RBFOX1: variants seen among roughly 807,000 people sequenced by gnomAD.
RBFOX1 encodes RNA binding fox-1 homolog 1.
RBFOX1 carries 8 observed loss-of-function variants against 57.7 expected under a neutral mutation model. The observed-to-expected ratio is 0.14, with a 90% CI of 0.08 to 0.25. RBFOX1 has a LOEUF of 0.25. RBFOX1 is among the 10% of genes least tolerant of loss of function. RBFOX1 has a pLI of 1.00. For missense variants in RBFOX1, 611 were observed against 548.5 expected, an observed-to-expected ratio of 1.11 and a Z score of -1.14; for synonymous variants, 326 against 222.4, an observed-to-expected ratio of 1.47 and a Z score of -4.15.
At chr16:5,825,774 T>TTAATATGAATAAGGAATAATATTCCG (rs2056019445) in intron 3 of RBFOX1, among the ~76,000 whole-genome samples, 2 of 146,838 alleles carry the variant, frequency 1.4e-5, no homozygotes, top group African/African-American at 2.5e-5. Context: ...ATAATATTCC[T>TTAATATGAATAAGGAATAATATTCCG]TAATATGAAT....
At chr16:6,383,154 C>T (rs561790202) in intron 2 of RBFOX1, among the ~76,000 whole-genome samples, 1 of 152,360 alleles carries the variant, frequency 6.6e-6, no homozygotes, top group East Asian at 1.9e-4. Flanking sequence ...GCTCCCACAA[C>T]ATTTTGGTAA....
intron 4 of RBFOX1, among the ~76,000 whole-genome samples, chr16:7,368,706 G>T (rs895225050): frequency 6.6e-6 from 1 of 151,506 alleles, no homozygotes; most frequent in African/African-American, 2.4e-5. Flanking sequence ...CGTGAACCTG[G>T]GAGACAGAGC....
chr16:5,927,690 T>A (rs915685955), intron 4 of RBFOX1, among the ~76,000 whole-genome samples: 1 of 152,228 alleles, frequency 6.6e-6, no homozygotes, highest in Non-Finnish European at 1.5e-5. Flanking sequence ...AAATGTGGAA[T>A]CAGTGTAAGT....
chr16:6,416,297 C>T (rs7199227), intron 2 of RBFOX1, among the ~76,000 whole-genome samples: 9,032 of 152,080 alleles, frequency 0.059, 903 homozygotes, highest in African/African-American at 0.21. Flanking sequence ...TTTATTAAGC[C>T]GGTAAAATCA....
chr16:5,529,397 T>TTC (rs1199848423), intron 2 of RBFOX1, among the ~76,000 whole-genome samples: 1 of 151,236 alleles, frequency 6.6e-6, no homozygotes, highest in Non-Finnish European at 1.5e-5. Flanking sequence ...GTCTTTTTTT[T>TTC]TTTTTTTTTT....
At chr16:6,450,020 A>G (rs2094558044) in intron 2 of RBFOX1, among the ~76,000 whole-genome samples, 1 of 152,152 alleles carries the variant, frequency 6.6e-6, no homozygotes, top group Admixed American at 6.5e-5. Context: ...TTGGATTGCA[A>G]TTTGGGGTAA....
intron 1 of RBFOX1, among the ~76,000 whole-genome samples, chr16:6,256,161 A>ATATATATATG (rs1555582177): frequency 6.7e-5 from 1 of 14,952 alleles, no homozygotes; most frequent in Non-Finnish European, 1.8e-4. Context: ...ATATATATGT[A>ATATATATATG]TATATATATG....
chr16:6,749,106 C>G (rs539784439), intron 3 of RBFOX1: 2 of 152,258 alleles, frequency 1.3e-5, no homozygotes, highest in Admixed American at 6.5e-5. Flanking sequence ...GTATTGGAAA[C>G]CAACATTCAC....
At chr16:6,216,966 C>A (rs1170366065) in intron 1 of RBFOX1, among the ~76,000 whole-genome samples, 1 of 152,022 alleles carries the variant, frequency 6.6e-6, no homozygotes, top group Admixed American at 6.6e-5. Flanking sequence ...ACCTTTTGCC[C>A]ACTTAAACTG....
At chr16:5,621,405 G>A (rs1195476898) in intron 3 of RBFOX1, among the ~76,000 whole-genome samples, 1 of 152,138 alleles carries the variant, frequency 6.6e-6, no homozygotes, top group East Asian at 1.9e-4. Flanking sequence ...AGTGTAGGCC[G>A]TCAAAAGTGC....
At chr16:6,565,935 G>T (rs1474695045) in intron 2 of RBFOX1, among the ~76,000 whole-genome samples, 2 of 152,094 alleles carry the variant, frequency 1.3e-5, no homozygotes, top group Admixed American at 1.3e-4. Context: ...TTTTGTTTTT[G>T]TTTTTTTCCT....
intron 3 of RBFOX1, among the ~76,000 whole-genome samples, chr16:6,676,317 A>C (rs1280963221): frequency 6.6e-6 from 1 of 152,078 alleles, no homozygotes; most frequent in African/African-American, 2.4e-5. Flanking sequence ...ATAGAGTACT[A>C]TCCTGCCTTC....
chr16:6,557,562 A>G (rs770336933), intron 2 of RBFOX1, among the ~76,000 whole-genome samples: 2 of 152,230 alleles, frequency 1.3e-5, no homozygotes, highest in Non-Finnish European at 2.9e-5. Flanking sequence ...AAATGTTGAA[A>G]GAAATGAAGT....
chr16:6,642,161 C>A lies in RBFOX1; in HGVS notation c.-63-12442C>A, dbSNP rs193255980. Among the ~76,000 whole-genome samples the A allele has an allele frequency of 3.8e-3, 583 of 152,270 alleles. 6 individuals carry two copies. Among genetic ancestry groups the A allele is most frequent in the African/African-American group, 0.013 (535 of 41,576 alleles). ...TGACTGACAGAAGGCAGGCGACAAACCCAGGCTTCCCAGGCTCGTACTTTC... is the reference window on the plus strand; with the variant it reads ...TGACTGACAGAAGGCAGGCGACAAAACCAGGCTTCCCAGGCTCGTACTTTC... On this transcript the variant is annotated intron_variant, in intron 2 of 15. Coordinates refer to ENST00000550418, the MANE Select transcript of RBFOX1 (RefSeq NM_018723.4).
intron 9 of RBFOX1, among the ~76,000 whole-genome samples, chr16:7,604,475 C>G (rs561489171): frequency 6.6e-6 from 1 of 152,284 alleles, no homozygotes; most frequent in African/African-American, 2.4e-5. Flanking sequence ...GCACAGATCT[C>G]CTGATGAAGG....
intron 3 of RBFOX1, among the ~76,000 whole-genome samples, chr16:6,856,906 A>AAAG (rs1166984032): frequency 6.6e-6 from 1 of 152,116 alleles, no homozygotes; most frequent in African/African-American, 2.4e-5. Context: ...GAGAAAGGGA[A>AAAG]AAGAAAGAAA....
chr16:7,026,959 C>A (rs1293404859), intron 3 of RBFOX1, among the ~76,000 whole-genome samples: 1 of 152,142 alleles, frequency 6.6e-6, no homozygotes, highest in African/African-American at 2.4e-5. Context: ...TGCTTGGGTG[C>A]TTTGCCCTCT....
At chr16:7,328,892 A>C (rs1010289127) in intron 4 of RBFOX1, 4 of 152,222 alleles carry the variant, frequency 2.6e-5, no homozygotes, top group African/African-American at 7.2e-5. Flanking sequence ...CTGTGAGCCC[A>C]ACCTGGACCA....
chr16:7,618,533 T>C (rs755291253), intron 10 of RBFOX1, among the ~76,000 whole-genome samples: 2 of 149,968 alleles, frequency 1.3e-5, no homozygotes, highest in Non-Finnish European at 3.0e-5. Context: ...AGGTGACATG[T>C]TTTTTTTTAA....
Sources: allele counts gnomAD v4.1 joint callset (sites outside exome capture counted in the v4.1 genomes callset), GRCh38; gene constraint gnomAD v4.1.1; transcripts MANE v1.5; gene names NCBI Gene and HGNC (gene_info 2026-07-23, HGNC 2026-07-21).